Variants in PDE4D observed in about 807,000 individuals in gnomAD.
The protein encoded by PDE4D is 3',5'-cyclic-AMP phosphodiesterase 4D.
Under a neutral mutation model 87.4 loss-of-function variants are expected in PDE4D, and 24 were observed. The ratio of observed to expected loss-of-function variants is 0.27; its 90% CI spans 0.20 to 0.39. The LOEUF is 0.39. Ranked by LOEUF, PDE4D falls within the 10% of genes least tolerant of loss-of-function variation. The pLI, the probability that PDE4D is intolerant of heterozygous loss-of-function variation, is 1.00. For missense variants in PDE4D, 714 were observed against 1,041.0 expected (o/e 0.69, Z 4.32); for synonymous variants, 384 against 383.2 (o/e 1.00, Z -0.02).
chr5:60,046,208 A>C (rs900210457), intron 2 of PDE4D, among the ~76,000 whole-genome samples: 2 of 152,194 alleles, frequency 1.3e-5, no homozygotes, highest in African/African-American at 4.8e-5. Context: ...ATTTTTGTAC[A>C]TTGATTTTGT....
At chr5:60,078,431 TA>T (rs964395676) in intron 2 of PDE4D, among the ~76,000 whole-genome samples, 1 of 151,886 alleles carries the variant, frequency 6.6e-6, no homozygotes, top group South Asian at 2.1e-4. Flanking sequence ...TTATTTCTTG[TA>T]AAAAAAACGG....
At chr5:60,133,138 C>T (rs1438449512) in intron 2 of PDE4D, among the ~76,000 whole-genome samples, 1 of 152,080 alleles carries the variant, frequency 6.6e-6, no homozygotes. Context: ...AGTAAGTCAC[C>T]TAACTTCTTT....
intron 1 of PDE4D, among the ~76,000 whole-genome samples, chr5:59,648,092 G>A (rs535656409): frequency 1.3e-5 from 2 of 152,088 alleles, no homozygotes; most frequent in Non-Finnish European, 2.9e-5. Context: ...ACTGCTAATA[G>A]AGTGAAACAC....
In PDE4D at chr5:58,970,872, G is replaced by A. The variant is rs1032687366; in HGVS notation, c.*3792C>T. Reference sequence around the variant, plus strand: ...AAGAAAAAGATTGTTTATAATCACTGGGAAAGAATATATTTCCCCAGTTGT... The same window carrying A: ...AAGAAAAAGATTGTTTATAATCACTAGGAAAGAATATATTTCCCCAGTTGT... On this transcript the variant is annotated 3_prime_UTR_variant, in exon 15 of 15. Coordinates refer to ENST00000340635, the MANE Select transcript of PDE4D (RefSeq NM_001104631.2). The A allele has an allele frequency of 6.6e-6, 1 of 150,912 alleles. No individual in the cohort carries two copies. The highest frequency in any genetic ancestry group is 1.5e-5 in the Non-Finnish European group (1 of 67,838). 9.3% of individuals were successfully genotyped at this position (150,912 alleles called of 1,614,324 possible).
chr5:59,445,218 G>A (rs1798177573), intron 1 of PDE4D, among the ~76,000 whole-genome samples: 1 of 152,022 alleles, frequency 6.6e-6, no homozygotes, highest in African/African-American at 2.4e-5. Context: ...AAAAACCTAG[G>A]TTTTATTTAC....
At chr5:59,199,765 C>G (rs926766757) in intron 2 of PDE4D, among the ~76,000 whole-genome samples, 4 of 152,002 alleles carry the variant, frequency 2.6e-5, no homozygotes, top group Admixed American at 2.0e-4. Context: ...TCTCTAGACC[C>G]ATCTTCATAG....
chr5:59,978,823 A>T (rs942328483), intron 3 of PDE4D, among the ~76,000 whole-genome samples: 11 of 151,994 alleles, frequency 7.2e-5, no homozygotes, highest in African/African-American at 2.7e-4. Flanking sequence ...AGCAACCACC[A>T]CCTTGATCAG....
chr5:59,069,186 A>G (rs1485244330), intron 5 of PDE4D, among the ~76,000 whole-genome samples: 2 of 152,148 alleles, frequency 1.3e-5, no homozygotes, highest in Admixed American at 6.5e-5. Flanking sequence ...ATTTAAATCC[A>G]TCTTCCTCCT....
intron 1 of PDE4D, among the ~76,000 whole-genome samples, chr5:59,338,600 GTTTC>G (rs988899665): frequency 2.6e-5 from 4 of 152,142 alleles, no homozygotes; most frequent in Admixed American, 6.5e-5. Flanking sequence ...TCCCTAAATT[GTTTC>G]TTTCTGTGAG....
At chr5:60,321,348 C>T (rs1756249526) in intron 1 of PDE4D, among the ~76,000 whole-genome samples, 1 of 151,968 alleles carries the variant, frequency 6.6e-6, no homozygotes, top group African/African-American at 2.4e-5. Flanking sequence ...TAGCCAAATG[C>T]AGATTGATGC....
chr5:59,551,471 TCACACA>T (rs34301317), intron 1 of PDE4D, among the ~76,000 whole-genome samples: 11 of 148,880 alleles, frequency 7.4e-5, no homozygotes, highest in East Asian at 2.0e-4. Flanking sequence ...GCTACTTCAG[TCACACA>T]CACACACACA....
At chr5:60,391,572 G>A (rs981472342) in intron 1 of PDE4D, among the ~76,000 whole-genome samples, 3 of 151,956 alleles carry the variant, frequency 2.0e-5, no homozygotes, top group Non-Finnish European at 4.4e-5. Context: ...TTTAAAGAAC[G>A]CAATGTTATA....
chr5:59,273,060 C>G (rs1463820687), intron 1 of PDE4D, among the ~76,000 whole-genome samples: 1 of 152,038 alleles, frequency 6.6e-6, no homozygotes, highest in Non-Finnish European at 1.5e-5. Flanking sequence ...GATGGTAAAG[C>G]CAGAAAGATG....
At chr5:59,995,618 C>T (rs1460932825) in intron 2 of PDE4D, among the ~76,000 whole-genome samples, 4 of 152,106 alleles carry the variant, frequency 2.6e-5, no homozygotes, top group Non-Finnish European at 5.9e-5. Context: ...TGCACCCGGC[C>T]GCATTTTTCT....
chr5:59,846,266 T>G (rs550076702), intron 1 of PDE4D, among the ~76,000 whole-genome samples: 2 of 152,224 alleles, frequency 1.3e-5, no homozygotes, highest in South Asian at 4.1e-4. Flanking sequence ...ATTCTGCATT[T>G]TCAGCACTGC....
intron 1 of PDE4D, among the ~76,000 whole-genome samples, chr5:60,208,590 C>G (rs1255119906): frequency 6.6e-6 from 1 of 152,180 alleles, no homozygotes; most frequent in Non-Finnish European, 1.5e-5. Context: ...CAAGCTCCAA[C>G]CTGGCAGCAC....
At chr5:59,978,220 A>C (rs1310936661) in intron 3 of PDE4D, among the ~76,000 whole-genome samples, 2 of 152,190 alleles carry the variant, frequency 1.3e-5, no homozygotes, top group African/African-American at 4.8e-5. Flanking sequence ...ATAGACACTT[A>C]TTTCTCTGAT....
At chr5:60,046,975 C>T (rs1185812255) in intron 2 of PDE4D, among the ~76,000 whole-genome samples, 3 of 152,128 alleles carry the variant, frequency 2.0e-5, no homozygotes, top group East Asian at 1.9e-4. Flanking sequence ...TGGTAGAATT[C>T]GGCTGTGAAT....
At chr5:60,431,837 G>A (rs1271153264) in intron 1 of PDE4D, among the ~76,000 whole-genome samples, 2 of 152,230 alleles carry the variant, frequency 1.3e-5, no homozygotes, top group Non-Finnish European at 2.9e-5. Context: ...TCGGGAGGCC[G>A]AGGCTGGCAG....
Sources: allele counts gnomAD v4.1 joint callset (sites outside exome capture counted in the v4.1 genomes callset), GRCh38; gene constraint gnomAD v4.1.1; transcripts MANE v1.5; gene names NCBI Gene and HGNC (gene_info 2026-07-23, HGNC 2026-07-21).